PPP2CB: variants seen among roughly 807,000 people sequenced by gnomAD.
The protein encoded by PPP2CB is protein phosphatase 2 catalytic subunit beta.
Under a neutral mutation model 39.1 loss-of-function variants are expected in PPP2CB, and 18 were observed. That is an observed-to-expected ratio of 0.46 (90% confidence interval 0.32 to 0.68). The LOEUF (loss-of-function observed/expected upper bound fraction) is 0.68, where lower values mean the gene tolerates loss of function less well. Among genes scored for constraint, PPP2CB ranks in the 30% least tolerant of loss-of-function variants. The probability of loss-of-function intolerance (pLI) is 0.04; values close to 1 mark genes in which losing one functional copy is unlikely to be tolerated. For missense variants in PPP2CB, 226 were observed against 396.9 expected, an observed-to-expected ratio of 0.57 and a Z score of 3.66; for synonymous variants, 129 against 133.8, an observed-to-expected ratio of 0.96 and a Z score of 0.25.
intron 1 of PPP2CB, among the ~76,000 whole-genome samples, chr8:30,805,771 A>C (rs948978745): frequency 6.6e-6 from 1 of 152,214 alleles, no homozygotes; most frequent in Admixed American, 6.5e-5. Flanking sequence ...CACTTAATAG[A>C]TCTCCAATGG....
At position 30,786,094 on chromosome 8, in the gene PPP2CB, C is replaced by T. The variant is rs1261196310; in HGVS notation, c.*141G>A. On this transcript the variant is annotated 3_prime_UTR_variant, in exon 7 of 7. Transcript: ENST00000221138. ...TCATCATTAGTATGGCACATTTGGT[C>T]CATGATGTGGTTTAATGCCAAGACA... is the stretch of plus-strand genomic sequence containing the variant. 4.0e-6 allele frequency: 3 copies of T among 759,358 alleles called. No homozygotes were observed. In the East Asian group the frequency reaches 8.1e-5, roughly 21 times the overall value. 47.0% of individuals were successfully genotyped at this position (759,358 alleles called of 1,614,324 possible). A position where few individuals can be genotyped will look rare whatever the true frequency, so the allele number is the denominator to read the frequency against.
chr8:30,796,287 C>T (rs1233258407), intron 3 of PPP2CB, among the ~76,000 whole-genome samples: 1 of 152,184 alleles, frequency 6.6e-6, no homozygotes, highest in Non-Finnish European at 1.5e-5. Flanking sequence ...AAATTATATT[C>T]CCACGAGCAG....
At chr8:30,800,261 T>C (rs975993160) in intron 1 of PPP2CB, among the ~76,000 whole-genome samples, 2 of 152,214 alleles carry the variant, frequency 1.3e-5, no homozygotes, top group African/African-American at 4.8e-5. Flanking sequence ...TTGAAGACAT[T>C]ATGGTAAGTG....
At chr8:30,797,473 C>T (rs1806546132) in intron 3 of PPP2CB, 108 bp downstream of exon 3, 19 of 1,122,624 alleles carry the variant, frequency 1.7e-5, no homozygotes, top group South Asian at 3.9e-5. Flanking sequence ...AGGAAAAGGC[C>T]GAGGAGATGC....
rs747786192 is a variant in PPP2CB at position 30,785,849 on chromosome 8, T to C, written c.*386A>G. On this transcript the variant is annotated 3_prime_UTR_variant, in exon 7 of 7. Coordinates refer to ENST00000221138, the MANE Select transcript of PPP2CB (RefSeq NM_001009552.2). ...TAATGGATTAGTGGAAGTTAGCTTG[T>C]GAATTTTTCTTAAAAATAAAACTCC... 3 of 322,528 alleles carry C rather than the reference T, an allele frequency of 9.3e-6. No individual in the cohort carries two copies. The highest frequency in any genetic ancestry group is 1.8e-5 in the Non-Finnish European group (3 of 164,890). The allele number at this position is 322,528 out of a possible 1,614,324, so 20.0% of individuals were successfully genotyped here.
At chr8:30,802,416 A>G (rs939186830) in intron 1 of PPP2CB, among the ~76,000 whole-genome samples, 1 of 152,166 alleles carries the variant, frequency 6.6e-6, no homozygotes, top group African/African-American at 2.4e-5. Context: ...TCTGGGAGGT[A>G]GGAGGGCAGG....
chr8:30,803,315 G>A (rs190735772), intron 1 of PPP2CB, among the ~76,000 whole-genome samples: 1 of 152,212 alleles, frequency 6.6e-6, no homozygotes, highest in East Asian at 1.9e-4. Context: ...GGCCGAGGCA[G>A]AAGGATCACT....
chr8:30,806,070 T>C (rs1806719695), intron 1 of PPP2CB, among the ~76,000 whole-genome samples: 1 of 149,162 alleles, frequency 6.7e-6, no homozygotes, highest in South Asian at 2.1e-4. Context: ...TTTTTTGAGA[T>C]GGAGTCTCCC....
At chr8:30,799,897 T>C (rs1023953879) in intron 1 of PPP2CB, 142 bp from the exon 2 acceptor site, 3 of 649,230 alleles carry the variant, frequency 4.6e-6, no homozygotes, top group African/African-American at 3.7e-5. Context: ...ACACTTTCAT[T>C]AGAAAGGCTA....
chr8:30,789,282 G>A (rs949386860), intron 6 of PPP2CB, among the ~76,000 whole-genome samples: 4 of 152,024 alleles, frequency 2.6e-5, no homozygotes, highest in Non-Finnish European at 5.9e-5. Context: ...CGCCCACCTC[G>A]GCTTCCCAAA....
intron 3 of PPP2CB, chr8:30,794,585 T>G: frequency 3.5e-6 from 1 of 282,050 alleles, no homozygotes; most frequent in East Asian, 9.6e-5. Flanking sequence ...CCCTCCCCAC[T>G]TCCCTCCTTT....
intron 1 of PPP2CB, among the ~76,000 whole-genome samples, chr8:30,803,500 A>G (rs1806660134): frequency 6.6e-6 from 1 of 151,864 alleles, no homozygotes; most frequent in Admixed American, 6.6e-5. Flanking sequence ...AACTATGATC[A>G]TGTTACTGTA....
chr8:30,791,080 G>T, intron 6 of PPP2CB, 117 bp downstream of exon 6: 1 of 612,584 alleles, frequency 1.6e-6, no homozygotes, highest in Non-Finnish European at 2.7e-6. Context: ...GGTTATTTTT[G>T]CTGGAGAGGG....
At chr8:30,802,015 G>A (rs1806635378) in intron 1 of PPP2CB, among the ~76,000 whole-genome samples, 1 of 152,146 alleles carries the variant, frequency 6.6e-6, no homozygotes, top group Non-Finnish European at 1.5e-5. Context: ...GCTCATGCTT[G>A]GTTCTCCAGC....
intron 3 of PPP2CB, among the ~76,000 whole-genome samples, chr8:30,796,383 A>AT (rs1294727169): frequency 1.3e-5 from 2 of 151,974 alleles, no homozygotes; most frequent in Admixed American, 6.6e-5. Context: ...TTTTATATTT[A>AT]TTTATTTTAT....
intron 1 of PPP2CB, among the ~76,000 whole-genome samples, chr8:30,802,503 CA>C (rs1441035077): frequency 6.6e-6 from 1 of 152,062 alleles, no homozygotes; most frequent in African/African-American, 2.4e-5. Flanking sequence ...TTCTTTGAGA[CA>C]GGGTCTCGCT....
At chr8:30,799,118 G>C (rs1470210046) in intron 2 of PPP2CB, among the ~76,000 whole-genome samples, 1 of 152,110 alleles carries the variant, frequency 6.6e-6, no homozygotes, top group Middle Eastern at 3.2e-3. Context: ...AGATTTCATC[G>C]GCCAGCGTAT....
intron 5 of PPP2CB, among the ~76,000 whole-genome samples, chr8:30,792,203 T>C (rs1488492467): frequency 1.3e-5 from 2 of 151,980 alleles, no homozygotes; most frequent in East Asian, 1.9e-4. Context: ...TACAGGTGCG[T>C]GCCACCACAC....
Position 30,785,953 on chromosome 8 carries a change from A to G in PPP2CB, c.*282T>C. Reference sequence around the variant, plus strand: ...GCAAAAGGAGATGAAGCAGTTAGTTACCTTTTTTGCTTGAACAGTCCAAAG... The same window carrying G: ...GCAAAAGGAGATGAAGCAGTTAGTTGCCTTTTTTGCTTGAACAGTCCAAAG... On this transcript the variant is annotated 3_prime_UTR_variant, in exon 7 of 7. Coordinates refer to ENST00000221138, the MANE Select transcript of PPP2CB (RefSeq NM_001009552.2). 3.5e-6 allele frequency: 2 copies of G among 566,904 alleles called. No homozygotes were observed. The highest frequency in any genetic ancestry group is 6.6e-6 in the Non-Finnish European group (2 of 301,086). The allele number at this position is 566,904 out of a possible 1,614,324, so 35.1% of individuals were successfully genotyped here.
Sources: allele counts gnomAD v4.1 joint callset (sites outside exome capture counted in the v4.1 genomes callset), GRCh38; gene constraint gnomAD v4.1.1; transcripts MANE v1.5; gene names NCBI Gene and HGNC (gene_info 2026-07-23, HGNC 2026-07-21).